Variants in TRIQK observed in about 807,000 individuals in gnomAD.
TRIQK encodes the protein triple QxxK/R motif containing, also known as triple QxxK/R motif-containing protein.
A neutral mutation model predicts 10.8 loss-of-function variants in TRIQK; 10 were observed. The observed-to-expected ratio is 0.92, with a 90% CI of 0.57 to 1.57. TRIQK has a LOEUF of 1.57. Among genes scored for constraint, TRIQK ranks in the 40% most tolerant of loss-of-function variants. TRIQK has a pLI of 0.00. For synonymous variants in TRIQK, 33 were observed against 33.7 expected (o/e 0.98, Z 0.07); for missense variants, 107 against 97.7 (o/e 1.09, Z -0.40).
intron 2 of TRIQK, among the ~76,000 whole-genome samples, chr8:92,950,181 A>G (rs1309143855): frequency 6.6e-6 from 1 of 152,162 alleles, no homozygotes; most frequent in Non-Finnish European, 1.5e-5. Flanking sequence ...GTAGAGTAAC[A>G]GTTACATTTA....
intron 1 of TRIQK, among the ~76,000 whole-genome samples, chr8:92,957,642 A>T (rs1331007489): frequency 6.6e-6 from 1 of 152,022 alleles, no homozygotes; most frequent in African/African-American, 2.4e-5. Context: ...CTATAACTAA[A>T]CTTCTATCAT....
intron 3 of TRIQK, among the ~76,000 whole-genome samples, chr8:92,912,048 G>A (rs1482730854): frequency 1.3e-5 from 2 of 151,048 alleles, no homozygotes; most frequent in African/African-American, 4.8e-5. Context: ...AAAAAACACA[G>A]ATTTAAACAA....
intron 3 of TRIQK, among the ~76,000 whole-genome samples, chr8:92,906,244 T>C (rs1809251349): frequency 6.6e-6 from 1 of 152,130 alleles, no homozygotes; most frequent in African/African-American, 2.4e-5. Context: ...GCAGTTTGAA[T>C]TCTACATACC....
At chr8:92,964,219 T>C (rs551879702) in intron 1 of TRIQK, among the ~76,000 whole-genome samples, 29 of 152,204 alleles carry the variant, frequency 1.9e-4, no homozygotes, top group South Asian at 6.2e-4. Flanking sequence ...CTCCCAGCTA[T>C]GTAGCCTTGG....
At chr8:92,957,710 T>C (rs1368552040) in intron 1 of TRIQK, among the ~76,000 whole-genome samples, 1 of 151,990 alleles carries the variant, frequency 6.6e-6, no homozygotes, top group African/African-American at 2.4e-5. Context: ...TTATGTTTTG[T>C]CTTAAAGCAG....
chr8:92,962,414 A>T (rs188386181), intron 1 of TRIQK, among the ~76,000 whole-genome samples: 174 of 152,330 alleles, frequency 1.1e-3, no homozygotes, highest in African/African-American at 3.8e-3. Flanking sequence ...AGGGACTCTC[A>T]AAAGATGCTT....
At chr8:92,918,734 G>A (rs552767408) in intron 2 of TRIQK, among the ~76,000 whole-genome samples, 1 of 151,566 alleles carries the variant, frequency 6.6e-6, no homozygotes, top group African/African-American at 2.4e-5. Flanking sequence ...GTAATCCTAT[G>A]TGTCTATTTT....
At chr8:92,990,263 A>T (rs1227748189) in intron 1 of TRIQK, among the ~76,000 whole-genome samples, 3 of 152,224 alleles carry the variant, frequency 2.0e-5, no homozygotes, top group African/African-American at 7.2e-5. Flanking sequence ...TAAGAAAATT[A>T]AATTAACCAG....
chr8:92,977,708 A>AT (rs1257769588), intron 1 of TRIQK, among the ~76,000 whole-genome samples: 2 of 151,928 alleles, frequency 1.3e-5, no homozygotes, highest in Admixed American at 6.6e-5. Flanking sequence ...ACACCTGGGC[A>AT]TTTTTTTATT....
intron 1 of TRIQK, among the ~76,000 whole-genome samples, chr8:93,005,061 GC>G (rs1249358673): frequency 7.1e-6 from 1 of 140,692 alleles, no homozygotes; most frequent in African/African-American, 3.0e-5. Context: ...TATCTTTATA[GC>G]AATGCCTGAA....
At chr8:93,013,308 T>C (rs1813354755) in intron 1 of TRIQK, among the ~76,000 whole-genome samples, 1 of 152,180 alleles carries the variant, frequency 6.6e-6, no homozygotes, top group African/African-American at 2.4e-5. Flanking sequence ...AAAATAATAA[T>C]TTTCTGTTTC....
rs1446199945 is a variant in TRIQK at position 92,886,509 on chromosome 8, T to C, written c.*113A>G. On this transcript the variant is annotated 3_prime_UTR_variant, in exon 5 of 5. Coordinates refer to ENST00000521988, the MANE Select transcript of TRIQK (RefSeq NM_001171797.2). ...TATCAAAAATCATATGTCTGCAAAC[T>C]GAAAATATTAGCAGAAAGAATTAAA... The C allele has an allele frequency of 1.5e-6, 1 of 651,330 alleles. No individual in the cohort carries two copies. The highest frequency in any genetic ancestry group is 2.1e-5 in the South Asian group (1 of 46,960). The allele number at this position is 651,330 out of a possible 1,614,324, so 40.3% of individuals were successfully genotyped here.
chr8:92,935,700 T>C (rs1810951277), intron 2 of TRIQK, among the ~76,000 whole-genome samples: 2 of 151,508 alleles, frequency 1.3e-5, no homozygotes, highest in African/African-American at 4.8e-5. Context: ...AACAAACTCT[T>C]GTCCTGACGG....
intron 2 of TRIQK, chr8:92,941,111 G>A (rs913648980): frequency 6.6e-6 from 1 of 152,050 alleles, no homozygotes; most frequent in African/African-American, 2.4e-5. Flanking sequence ...CTGTCACCCA[G>A]GCTGAAGTCC....
intron 1 of TRIQK, among the ~76,000 whole-genome samples, chr8:93,007,323 G>A (rs1415838966): frequency 6.6e-6 from 1 of 152,128 alleles, no homozygotes; most frequent in East Asian, 1.9e-4. Flanking sequence ...CAAACAGAAA[G>A]CAACAACAAC....
chr8:92,937,868 A>T (rs1811073065), intron 2 of TRIQK, among the ~76,000 whole-genome samples: 1 of 151,966 alleles, frequency 6.6e-6, no homozygotes. Flanking sequence ...AACCATTGAT[A>T]ATATTTTTGC....
At chr8:92,984,597 A>G (rs1195180720) in intron 1 of TRIQK, among the ~76,000 whole-genome samples, 1 of 152,176 alleles carries the variant, frequency 6.6e-6, no homozygotes, top group Non-Finnish European at 1.5e-5. Flanking sequence ...TGTTACAGAC[A>G]TTATTCGACC....
chr8:92,904,847 C>T (rs1225707923), intron 3 of TRIQK, among the ~76,000 whole-genome samples: 1 of 152,140 alleles, frequency 6.6e-6, no homozygotes, highest in Non-Finnish European at 1.5e-5. Flanking sequence ...CAATAATAAA[C>T]ATTCTTTTAA....
At chr8:93,015,574 C>A (rs759671937) in intron 1 of TRIQK, among the ~76,000 whole-genome samples, 1 of 151,170 alleles carries the variant, frequency 6.6e-6, no homozygotes, top group Non-Finnish European at 1.5e-5. Context: ...AACTTTCTAA[C>A]AAATCCTCGC....
Sources: allele counts gnomAD v4.1 joint callset (sites outside exome capture counted in the v4.1 genomes callset), GRCh38; gene constraint gnomAD v4.1.1; transcripts MANE v1.5; gene names NCBI Gene and HGNC (gene_info 2026-07-23, HGNC 2026-07-21).